Variants in SHISAL2A observed in about 807,000 individuals in gnomAD.
The protein encoded by SHISAL2A is protein shisa-like-2A.
SHISAL2A carries 18 observed loss-of-function variants against 11.5 expected under a neutral mutation model. The ratio of observed to expected loss-of-function variants is 1.57; its 90% confidence interval spans 1.08 to 2.33. The LOEUF is 2.33. SHISAL2A is among the 30% of genes most tolerant of loss of function. The probability of loss-of-function intolerance (pLI) is 0.00; values close to 1 mark genes in which losing one functional copy is unlikely to be tolerated. For synonymous variants in SHISAL2A, 94 were observed against 99.6 expected (o/e 0.94, Z 0.34); for missense variants, 261 against 250.9 (o/e 1.04, Z -0.27).
chr1:52,656,897 C>T lies in SHISAL2A; in HGVS notation c.430C>T (p.Leu144=). 6.2e-7 allele frequency: 1 copy of T among 1,614,212 alleles called. No homozygotes were observed. Among genetic ancestry groups the T allele is most frequent in the Non-Finnish European group, 8.5e-7 (1 of 1,180,044 alleles). Residue 144 remains leucine (L), a synonymous_variant, in exon 3 of 3, where the codon CTG becomes TTG. Coordinates refer to ENST00000517870, the MANE Select transcript of SHISAL2A (RefSeq NM_001042693.3). The part of the protein sequence containing the change: ...QQSYSCLNPQ[L]ESNEGQAVNS... ...GAGTTACTCCTGCTTGAACCCGCAG[C>T]TGGAGAGCAATGAGGGGCAGGCTGT...
intron 2 of SHISAL2A, among the ~76,000 whole-genome samples, chr1:52,646,492 T>TAC (rs35929137): frequency 0.069 from 10,050 of 145,202 alleles, 380 homozygotes; most frequent in African/African-American, 0.077. Context: ...TAAATATCTA[T>TAC]ACACACACAC....
intron 1 of SHISAL2A, among the ~76,000 whole-genome samples, chr1:52,635,299 C>T (rs1027218898): frequency 1.3e-5 from 2 of 152,182 alleles, no homozygotes; most frequent in East Asian, 1.9e-4. Flanking sequence ...TTAATAATCA[C>T]AGGGCCAACC....
intron 2 of SHISAL2A, among the ~76,000 whole-genome samples, chr1:52,651,171 A>G (rs1369348236): frequency 2.0e-5 from 3 of 151,926 alleles, no homozygotes; most frequent in Non-Finnish European, 4.4e-5. Flanking sequence ...TTGGTTTCCA[A>G]TTTCCTGAGG....
chr1:52,633,752 C>A lies in SHISAL2A; in HGVS notation c.182+77C>A. 1 of 1,227,192 alleles carries A rather than the reference C, an allele frequency of 8.1e-7. No homozygotes were observed. Among genetic ancestry groups the A allele is most frequent in the Non-Finnish European group, 1.2e-6 (1 of 853,154 alleles). The allele number at this position is 1,227,192 out of a possible 1,614,324, so 76.0% of individuals were successfully genotyped here. A position where few individuals can be genotyped will look rare whatever the true frequency, so the allele number is the denominator to read the frequency against. ...CTTCACCCCAGCCTCAGCCCCCACCCGAGTGTCCACCTGAACATCAGCAGC... is the reference window on the plus strand; with the variant it reads ...CTTCACCCCAGCCTCAGCCCCCACCAGAGTGTCCACCTGAACATCAGCAGC... On this transcript the variant is annotated intron_variant, in intron 1 of 2. Transcript: ENST00000517870. The surrounding 1 kb of genome is among the most constrained non-coding windows in gnomAD (Gnocchi z 6.4).
In SHISAL2A at chr1:52,637,222, A is replaced by G. The variant is rs147813528; in HGVS notation, c.182+3547A>G. ...TGGACTCAGACATAATGTGATTCAT[A>G]AATACCACAGACAATTGCAAAGTGC... is the stretch of plus-strand genomic sequence containing the variant. On this transcript the variant is annotated intron_variant, in intron 1 of 2. Coordinates refer to ENST00000517870, the MANE Select transcript of SHISAL2A (RefSeq NM_001042693.3). 9.8e-5 allele frequency among the ~76,000 whole-genome samples: 15 copies of G among 152,314 alleles called. No homozygotes were observed. In the East Asian group the frequency reaches 2.7e-3, roughly 27 times the overall value.
At chr1:52,641,790 T>TA (rs34324898) in intron 1 of SHISAL2A, among the ~76,000 whole-genome samples, 490 of 151,244 alleles carry the variant, frequency 3.2e-3, no homozygotes, top group Non-Finnish European at 5.8e-3. Flanking sequence ...TTCTTTTTTT[T>TA]AAAAAAAGAG....
At chr1:52,666,447 G>A (rs2149897587) in intron 4 of SHISAL2A, among the ~76,000 whole-genome samples, 1 of 152,204 alleles carries the variant, frequency 6.6e-6, no homozygotes, top group South Asian at 2.1e-4. Flanking sequence ...GTGAGATTCT[G>A]TCTCAAATTA....
At chr1:52,659,945 C>T (rs1001660685), downstream of SHISAL2A, among the ~76,000 whole-genome samples, 1 of 152,148 alleles carries the variant, frequency 6.6e-6, no homozygotes, top group Non-Finnish European at 1.5e-5. Flanking sequence ...TGGTCATCCG[C>T]GGCCTAAGGC....
chr1:52,651,570 A>G (rs960509682), intron 2 of SHISAL2A, among the ~76,000 whole-genome samples: 2 of 151,496 alleles, frequency 1.3e-5, no homozygotes, highest in Non-Finnish European at 2.9e-5. Flanking sequence ...TTTGAGATGG[A>G]GTCTCACCCT....
At chr1:52,647,852 A>G (rs945633288) in intron 2 of SHISAL2A, among the ~76,000 whole-genome samples, 1 of 151,640 alleles carries the variant, frequency 6.6e-6, no homozygotes, top group Non-Finnish European at 1.5e-5. Flanking sequence ...TCAAAAAAAA[A>G]AAGAAAAAAA....
intron 2 of SHISAL2A, among the ~76,000 whole-genome samples, chr1:52,649,364 G>A (rs903081109): frequency 6.6e-6 from 1 of 152,168 alleles, no homozygotes. Flanking sequence ...GTGTCACTGC[G>A]ATGTCAACCC....
chr1:52,634,971 C>T (rs533362690), intron 1 of SHISAL2A, among the ~76,000 whole-genome samples: 47 of 152,248 alleles, frequency 3.1e-4, no homozygotes, highest in Admixed American at 1.9e-3. Flanking sequence ...CTAGGTGACT[C>T]GATCCACAAT....
rs1265552736 is a variant in SHISAL2A, at chr1:52,644,894, G to A, written c.322+1892G>A. ...TAGCTGGGCTTGGTGGTGGGCGCCT[G>A]TAGTCCCAGCTACTCAGGAGGCTGA... On this transcript the variant is annotated intron_variant, in intron 2 of 2. Coordinates refer to ENST00000517870, the MANE Select transcript of SHISAL2A (RefSeq NM_001042693.3). 3.3e-5 allele frequency among the ~76,000 whole-genome samples: 5 copies of A among 151,058 alleles called. No individual in the cohort carries two copies. The East Asian group carries it at 7.8e-4, about 23-fold the overall frequency.
At chr1:52,656,704 A>C in intron 2 of SHISAL2A, 86 bp from the exon 3 acceptor site, 3 of 1,455,858 alleles carry the variant, frequency 2.1e-6, no homozygotes, top group Non-Finnish European at 2.8e-6. Context: ...TGCACTGCCC[A>C]AGGTAAGCAC....
intron 1 of SHISAL2A, among the ~76,000 whole-genome samples, chr1:52,641,307 A>C (rs1330385281): frequency 6.6e-6 from 1 of 152,178 alleles, no homozygotes; most frequent in Non-Finnish European, 1.5e-5. Flanking sequence ...ACTACTTGCA[A>C]TTGGTATGGG....
intron 4 of SHISAL2A, among the ~76,000 whole-genome samples, chr1:52,666,586 G>A (rs976787994): frequency 1.5e-5 from 2 of 132,660 alleles, no homozygotes; most frequent in African/African-American, 7.1e-5. Flanking sequence ...ACACGCGCGT[G>A]TGTGTGTGTG....
chr1:52,662,956 G>A (rs909747876), intron 4 of SHISAL2A, among the ~76,000 whole-genome samples: 3 of 152,186 alleles, frequency 2.0e-5, no homozygotes, highest in African/African-American at 4.8e-5. Context: ...GGCTGCTGTC[G>A]TGCAGCCAGC....
chr1:52,648,957 C>T (rs182203524), intron 2 of SHISAL2A, among the ~76,000 whole-genome samples: 2 of 152,316 alleles, frequency 1.3e-5, no homozygotes, highest in Admixed American at 1.3e-4. Flanking sequence ...ATTATTCAGT[C>T]ACGAGAATTT....
At chr1:52,668,875 C>G (rs1692059281) in exon 6 of SHISAL2A, 1 of 152,472 alleles carries the variant, frequency 6.6e-6, no homozygotes, top group South Asian at 2.1e-4. Flanking sequence ...TGAACTCCAG[C>G]CCTAAGAGCC....
Sources: allele counts gnomAD v4.1 joint callset (sites outside exome capture counted in the v4.1 genomes callset), GRCh38; gene constraint gnomAD v4.1.1; non-coding constraint Gnocchi (gnomAD v3.1); transcripts MANE v1.5; gene names NCBI Gene and HGNC (gene_info 2026-07-23, HGNC 2026-07-21).